Variants in AKAP12 observed in about 807,000 individuals in gnomAD.
AKAP12 encodes the protein A-kinase anchor protein 12.
In AKAP12, 32 loss-of-function variants were observed where a neutral mutation model predicts 79.9. That is an observed-to-expected ratio of 0.40 (90% CI 0.30 to 0.54). AKAP12 has a LOEUF of 0.54. Among genes scored for constraint, AKAP12 ranks in the 20% least tolerant of loss-of-function variants. The pLI is 0.48. For synonymous variants in AKAP12, 808 were observed against 857.0 expected (o/e 0.94, Z 1.00); for missense variants, 2,074 against 2,177.0 (o/e 0.95, Z 0.94).
chr6:151,254,484 T>A (rs1797251469), intron 2 of AKAP12, among the ~76,000 whole-genome samples: 1 of 152,126 alleles, frequency 6.6e-6, no homozygotes, highest in African/African-American at 2.4e-5. Flanking sequence ...TGCAAGTAGC[T>A]GGGATTACAG....
At chr6:151,323,247 C>G (rs187194866) in intron 3 of AKAP12, among the ~76,000 whole-genome samples, 5 of 152,036 alleles carry the variant, frequency 3.3e-5, no homozygotes, top group African/African-American at 1.2e-4. Context: ...ATTTTAATTG[C>G]CTCTTTAAGA....
Position 151,243,776 on chromosome 6 carries a change from G to A in AKAP12, c.162+3052G>A, listed in dbSNP as rs867975128. Among the ~76,000 whole-genome samples the A allele has an allele frequency of 2.6e-5, 4 of 152,106 alleles. No homozygotes were observed. In the South Asian group the frequency reaches 8.3e-4, roughly 32 times the overall value. The stretch of plus-strand genomic sequence containing the variant: ...TGGCCGTTTCACAACTGCAGGGTGC[G>A]GGAAGATTAGATGACCTGAATGCTG... On this transcript the variant is annotated intron_variant, in intron 2 of 4. Coordinates refer to ENST00000402676, the MANE Select transcript of AKAP12 (RefSeq NM_005100.4).
chr6:151,305,671 C>A, intron 2 of AKAP12, 76 bp from the exon 3 acceptor site: 5 of 1,387,224 alleles, frequency 3.6e-6, no homozygotes, highest in Non-Finnish European at 4.9e-6. Flanking sequence ...GGTTTGTATT[C>A]TGGAAGTTAA....
intron 2 of AKAP12, among the ~76,000 whole-genome samples, chr6:151,267,689 C>T (rs1265856803): frequency 6.6e-6 from 1 of 152,214 alleles, no homozygotes; most frequent in Admixed American, 6.5e-5. Flanking sequence ...TTTACCATTT[C>T]TGATCCCTGT....
chr6:151,264,496 C>T (rs1797508196), intron 2 of AKAP12, among the ~76,000 whole-genome samples: 1 of 150,456 alleles, frequency 6.6e-6, no homozygotes, highest in Admixed American at 6.7e-5. Flanking sequence ...CATGGAGAAA[C>T]CCCGTCTCTA....
intron 3 of AKAP12, chr6:151,325,444 C>T: frequency 1.0e-6 from 1 of 985,426 alleles, no homozygotes; most frequent in Non-Finnish European, 1.2e-6. Context: ...CCCTTTAAAC[C>T]CTCCCGGGAC....
intron 2 of AKAP12, among the ~76,000 whole-genome samples, chr6:151,298,190 TC>T (rs1160104341): frequency 1.3e-5 from 2 of 152,126 alleles, no homozygotes; most frequent in African/African-American, 4.8e-5. Context: ...GCGGCCCTCG[TC>T]CATTTAGATC....
chr6:151,274,729 A>G (rs1272120221), intron 2 of AKAP12, among the ~76,000 whole-genome samples: 1 of 152,222 alleles, frequency 6.6e-6, no homozygotes, highest in African/African-American at 2.4e-5. Context: ...TCACAATTTT[A>G]TAGGCAGTTT....
intron 3 of AKAP12, among the ~76,000 whole-genome samples, chr6:151,345,802 A>G (rs1052954623): frequency 2.0e-5 from 3 of 151,252 alleles, no homozygotes; most frequent in Non-Finnish European, 2.9e-5. Flanking sequence ...AAAAAAAAAA[A>G]AAAGAAAAGA....
intron 2 of AKAP12, among the ~76,000 whole-genome samples, chr6:151,267,807 G>C (rs2114707134): frequency 6.6e-6 from 1 of 152,308 alleles, no homozygotes; most frequent in African/African-American, 2.4e-5. Context: ...CAGGGATAAT[G>C]GCAGGAAGTT....
rs578033246 is a variant in AKAP12 at position 151,345,824 on chromosome 6, T to G, written c.320-2887T>G. On this transcript the variant is annotated intron_variant, in intron 3 of 4. Transcript: ENST00000402676. ...AAAAAAAGAAAAGAAAAAAGAAAAT[T>G]CAGACAAGCAAAACTAAAATAAATG... Among the ~76,000 whole-genome samples, 4 of 143,128 alleles carry G rather than the reference T, an allele frequency of 2.8e-5. No individual in the cohort carries two copies. The South Asian group carries it at 8.9e-4, about 32-fold the overall frequency. 93.9% of individuals were successfully genotyped at this position (143,128 alleles called of 152,430 possible).
intron 2 of AKAP12, among the ~76,000 whole-genome samples, chr6:151,246,785 A>G (rs987310027): frequency 4.6e-5 from 7 of 152,200 alleles, no homozygotes; most frequent in Middle Eastern, 3.4e-3. Flanking sequence ...TTTTTGAGAT[A>G]GGCTCTCATT....
chr6:151,306,025 T>A, intron 3 of AKAP12, 122 bp downstream of exon 3: 1 of 1,072,492 alleles, frequency 9.3e-7, no homozygotes, highest in Non-Finnish European at 1.3e-6. Context: ...AACAATCAAT[T>A]GGTTACAAAA....
At chr6:151,324,974 T>C (rs936968737) in intron 3 of AKAP12, 114 of 985,330 alleles carry the variant, frequency 1.2e-4, no homozygotes, top group Non-Finnish European at 1.3e-4. Context: ...TGGCATAGTT[T>C]GATCTAAAAA....
chr6:151,312,947 C>T (rs558940769), intron 3 of AKAP12, among the ~76,000 whole-genome samples: 1 of 152,208 alleles, frequency 6.6e-6, no homozygotes, highest in South Asian at 2.1e-4. Flanking sequence ...AGGTAGCGCT[C>T]AGCAAATATA....
chr6:151,243,920 G>A (rs4869721), intron 2 of AKAP12, among the ~76,000 whole-genome samples: 8,587 of 152,254 alleles, frequency 0.056, 398 homozygotes, highest in East Asian at 0.13. Flanking sequence ...GGGGTGACCA[G>A]TGACAAACTG....
intron 2 of AKAP12, among the ~76,000 whole-genome samples, chr6:151,259,118 C>T (rs1325021559): frequency 6.6e-6 from 1 of 151,590 alleles, no homozygotes; most frequent in Non-Finnish European, 1.5e-5. Flanking sequence ...AATCTTGGCT[C>T]ACTGCAACCT....
chr6:151,295,080 C>G (rs1324013451), intron 2 of AKAP12, among the ~76,000 whole-genome samples: 1 of 152,214 alleles, frequency 6.6e-6, no homozygotes, highest in Non-Finnish European at 1.5e-5. Flanking sequence ...GGTGTTGATA[C>G]ACGCAGTATA....
At chr6:151,345,144 C>T (rs573037898) in intron 3 of AKAP12, among the ~76,000 whole-genome samples, 7 of 151,988 alleles carry the variant, frequency 4.6e-5, no homozygotes, top group Admixed American at 1.3e-4. Flanking sequence ...GGTGCGATCT[C>T]AGCTCACTGC....
Sources: gnomAD v4.1 joint callset for allele counts (sites outside exome capture counted in the v4.1 genomes callset) on GRCh38, gnomAD v4.1.1 for gene constraint, MANE v1.5 for transcripts, NCBI Gene and HGNC (gene_info 2026-07-23, HGNC 2026-07-21) for gene names.